PCSK5: variants seen among roughly 807,000 people sequenced by gnomAD.
PCSK5 encodes proprotein convertase subtilisin/kexin type 5.
PCSK5 carries 129 observed loss-of-function variants against 233.2 expected under a neutral mutation model. That is an observed-to-expected ratio of 0.55 (90% confidence interval 0.48 to 0.64). The LOEUF is 0.64. Among genes scored for constraint, PCSK5 ranks in the 30% least tolerant of loss-of-function variants. The pLI, the probability that PCSK5 is intolerant of heterozygous loss-of-function variation, is 0.00. For synonymous variants in PCSK5, 825 were observed against 879.2 expected (o/e 0.94, Z 1.09); for missense variants, 2,076 against 2,430.1 (o/e 0.85, Z 3.06).
intron 4 of PCSK5, among the ~76,000 whole-genome samples, chr9:76,025,680 T>C (rs1479258438): frequency 6.6e-6 from 1 of 152,214 alleles, no homozygotes; most frequent in Non-Finnish European, 1.5e-5. Context: ...ATCTTTGTGG[T>C]CTTAATCTCT....
At chr9:76,357,561 C>T (rs1830332431) in intron 37 of PCSK5, among the ~76,000 whole-genome samples, 1 of 152,106 alleles carries the variant, frequency 6.6e-6, no homozygotes, top group Non-Finnish European at 1.5e-5. Context: ...AATTCCCTAT[C>T]ATTCAAGTTG....
intron 2 of PCSK5, among the ~76,000 whole-genome samples, chr9:75,957,948 G>A (rs115138859): frequency 0.023 from 3,572 of 152,134 alleles, 154 homozygotes; most frequent in African/African-American, 0.08. Context: ...ATCTAAGAGC[G>A]GGCAAATGGA....
At chr9:76,190,960 T>TTAGCTAATAC (rs1824346843) in intron 20 of PCSK5, among the ~76,000 whole-genome samples, 1 of 152,142 alleles carries the variant, frequency 6.6e-6, no homozygotes, top group Non-Finnish European at 1.5e-5. Flanking sequence ...CCCTAACAAT[T>TTAGCTAATAC]TAGCTAATAC....
At chr9:76,218,987 C>T (rs563811850) in intron 20 of PCSK5, among the ~76,000 whole-genome samples, 3 of 152,284 alleles carry the variant, frequency 2.0e-5, no homozygotes, top group South Asian at 2.1e-4. Context: ...TCCTGGGTGC[C>T]GCATTCCATA....
At position 75,891,170 on chromosome 9, in the gene PCSK5, G is replaced by A; in HGVS notation, c.-12G>A. On this transcript the variant is annotated 5_prime_UTR_variant, in exon 1 of 38. Transcript: ENST00000674117. ...CAGCCAGCGAGCGAGGGAGCAGCGA[G>A]GCGCCGGGACCATGGGCTGGGGGAG... is the stretch of plus-strand genomic sequence containing the variant. 6.9e-7 allele frequency: 1 copy of A among 1,457,024 alleles called. No homozygotes were observed. The highest frequency in any genetic ancestry group is 9.0e-7 in the Non-Finnish European group (1 of 1,112,860). The allele number at this position is 1,457,024 out of a possible 1,614,324, so 90.3% of individuals were successfully genotyped here.
At chr9:76,220,131 A>T (rs151117326) in intron 20 of PCSK5, among the ~76,000 whole-genome samples, 55 of 152,372 alleles carry the variant, frequency 3.6e-4, no homozygotes, top group African/African-American at 1.3e-3. Flanking sequence ...TAACATGAGC[A>T]ATAAATGGAT....
At position 76,321,660 on chromosome 9, in the gene PCSK5, G is replaced by C. The variant is rs752729279; in HGVS notation, c.4102+21G>C. The C allele has an allele frequency of 1.9e-6, 3 of 1,541,384 alleles. No individual in the cohort carries two copies. In the South Asian group the frequency reaches 3.4e-5, roughly 17 times the overall value. ...CAAAGGTACCTAGGAGCTTCCCACA[G>C]GAGAGCAAGGCTCTGCTGAGCCACC... On this transcript the variant is annotated intron_variant, in intron 31 of 37. Transcript: ENST00000674117.
In PCSK5 at chr9:76,338,564, G is replaced by A. The variant is rs541799290; in HGVS notation, c.4966+117G>A. On this transcript the variant is annotated intron_variant, in intron 35 of 37. Transcript: ENST00000674117. ...GAGGTTCCTCTTGCTTCCCTACCTC[G>A]TGTGTGATCCTCTCCAGCATCAGCG... The A allele has an allele frequency of 9.8e-5, 67 of 683,834 alleles. No homozygotes were observed. The South Asian group carries it at 1.0e-3, about 10-fold the overall frequency. The allele number at this position is 683,834 out of a possible 1,614,324, so 42.4% of individuals were successfully genotyped here. A position where few individuals can be genotyped will look rare whatever the true frequency, so the allele number is the denominator to read the frequency against.
intron 20 of PCSK5, among the ~76,000 whole-genome samples, chr9:76,217,678 G>A (rs770699167): frequency 6.6e-6 from 1 of 152,124 alleles, no homozygotes; most frequent in Non-Finnish European, 1.5e-5. Context: ...ATAGCTCATC[G>A]TCATCCGAGC....
chr9:76,354,176 TC>T lies in PCSK5; in HGVS notation c.5217del (p.Ser1740ValfsTer39). 1 of 1,589,488 alleles carries T rather than the reference TC, an allele frequency of 6.3e-7. No individual in the cohort carries two copies. ...GCCTCCACTGCTGCAACACCTCTGA[TC>T]CCCCCAGTGCCCAGGAGTGCTGTGA... ...HCLHCCNTSD[P>X]PSAQECCDCQ... On this transcript the variant is annotated frameshift_variant, in exon 37 of 38. Transcript: ENST00000674117. LOFTEE classifies it low-confidence loss of function (END_TRUNC).
chr9:76,065,210 G>T (rs892037446), intron 5 of PCSK5, among the ~76,000 whole-genome samples: 1 of 152,140 alleles, frequency 6.6e-6, no homozygotes, highest in Non-Finnish European at 1.5e-5. Flanking sequence ...AGGTTTTACG[G>T]GACCCGCCAT....
At chr9:76,114,566 G>C (rs1832352039) in intron 9 of PCSK5, among the ~76,000 whole-genome samples, 1 of 152,126 alleles carries the variant, frequency 6.6e-6, no homozygotes, top group African/African-American at 2.4e-5. Flanking sequence ...AATGTAGCCA[G>C]TGTGTTCCAA....
At position 76,207,932 on chromosome 9, in the gene PCSK5, G is replaced by A. The variant is rs1392851185; in HGVS notation, c.2626+18186G>A. On this transcript the variant is annotated intron_variant, in intron 20 of 37. Transcript: ENST00000674117. ...GGCTCATGGTCCTGGAGGCTGGAAAGTCTAAGATCAAGCAGCTGCATTTGG... is the reference window on the plus strand; with the variant it reads ...GGCTCATGGTCCTGGAGGCTGGAAAATCTAAGATCAAGCAGCTGCATTTGG... 3.3e-5 allele frequency among the ~76,000 whole-genome samples: 5 copies of A among 152,288 alleles called. No individual in the cohort carries two copies. In the East Asian group the frequency reaches 7.7e-4, roughly 24 times the overall value.
At chr9:75,902,243 AGAAAAG>A (rs1826075229) in intron 1 of PCSK5, among the ~76,000 whole-genome samples, 1 of 135,170 alleles carries the variant, frequency 7.4e-6, no homozygotes, top group African/African-American at 3.4e-5. Flanking sequence ...AAAAAAAAAA[AGAAAAG>A]GACAAAACAA....
At chr9:76,163,264 G>A (rs552263748) in intron 12 of PCSK5, among the ~76,000 whole-genome samples, 10 of 152,334 alleles carry the variant, frequency 6.6e-5, no homozygotes, top group Admixed American at 1.3e-4. Flanking sequence ...TGCTGAACAC[G>A]TTGATGTAGT....
intron 5 of PCSK5, among the ~76,000 whole-genome samples, chr9:76,046,127 C>A (rs1355538907): frequency 7.5e-6 from 1 of 132,562 alleles, no homozygotes; most frequent in Non-Finnish European, 1.6e-5. Context: ...CAAATACTAA[C>A]TTTAGTAGCA....
At chr9:76,191,452 A>G (rs895545741) in intron 20 of PCSK5, among the ~76,000 whole-genome samples, 2 of 152,162 alleles carry the variant, frequency 1.3e-5, no homozygotes, top group Non-Finnish European at 2.9e-5. Context: ...AATGAAGAAG[A>G]TAATACTACT....
At chr9:76,155,994 G>T (rs1352428466) in intron 10 of PCSK5, among the ~76,000 whole-genome samples, 1 of 152,172 alleles carries the variant, frequency 6.6e-6, no homozygotes, top group Non-Finnish European at 1.5e-5. Flanking sequence ...AAGTAGAATG[G>T]AACTACATCT....
At chr9:76,043,122 G>A (rs1439991893) in intron 5 of PCSK5, among the ~76,000 whole-genome samples, 1 of 152,012 alleles carries the variant, frequency 6.6e-6, no homozygotes, top group African/African-American at 2.4e-5. Context: ...CGAGGCGGGC[G>A]GATCACAGGG....
Sources: allele counts gnomAD v4.1 joint callset (sites outside exome capture counted in the v4.1 genomes callset), GRCh38; gene constraint gnomAD v4.1.1; transcripts MANE v1.5; gene names NCBI Gene and HGNC (gene_info 2026-07-23, HGNC 2026-07-21).